Variants in ACO2 observed in about 807,000 individuals in gnomAD.
ACO2 encodes aconitate hydratase, mitochondrial.
Under a neutral mutation model 84.5 loss-of-function variants are expected in ACO2, and 31 were observed. The ratio of observed to expected loss-of-function variants is 0.37; its 90% CI spans 0.28 to 0.50. ACO2 has a LOEUF of 0.50. Among genes scored for constraint, ACO2 ranks in the 20% least tolerant of loss-of-function variants. The pLI is 0.97. For synonymous variants in ACO2, 414 were observed against 412.7 expected (o/e 1.00, Z -0.04); for missense variants, 685 against 1,029.3 (o/e 0.67, Z 4.58).
intron 1 of ACO2, among the ~76,000 whole-genome samples, chr22:41,491,643 A>G (rs2066272347): frequency 1.3e-5 from 2 of 152,322 alleles, no homozygotes; most frequent in South Asian, 4.1e-4. Flanking sequence ...AACGAACACA[A>G]TGTCACCACT....
rs750793467 is a variant in ACO2, at chr22:41,517,679, G to A, written c.940+48G>A. On this transcript the variant is annotated intron_variant, in intron 7 of 17. Coordinates refer to ENST00000216254, the MANE Select transcript of ACO2 (RefSeq NM_001098.3). ...GTGTGGGTGGAACAGTCACATGCCC[G>A]CTCCTCCCCAAGACAGAGCTATGCC... 10 of 1,501,550 alleles carry A rather than the reference G, an allele frequency of 6.7e-6. No individual in the cohort carries two copies. The East Asian group carries it at 1.1e-4, about 17-fold the overall frequency. 93.0% of individuals were successfully genotyped at this position (1,501,550 alleles called of 1,614,324 possible).
intron 1 of ACO2, among the ~76,000 whole-genome samples, chr22:41,477,402 A>G (rs2038030817): frequency 6.6e-6 from 1 of 150,898 alleles, no homozygotes; most frequent in Non-Finnish European, 1.5e-5. Flanking sequence ...CTTGTGATCC[A>G]CCTGCCTCGG....
intron 1 of ACO2, among the ~76,000 whole-genome samples, chr22:41,489,707 C>A (rs1184113502): frequency 2.6e-5 from 4 of 151,564 alleles, no homozygotes; most frequent in African/African-American, 4.9e-5. Context: ...GCCGTGTCAC[C>A]AGGAGGCACC....
At chr22:41,528,094 C>T (rs2066642445) in intron 17 of ACO2, 72 bp downstream of exon 17, 1 of 1,599,558 alleles carries the variant, frequency 6.3e-7, no homozygotes. Flanking sequence ...TGCACTGGCC[C>T]CAGGGTAGCT....
intron 15 of ACO2, 155 bp downstream of exon 15, chr22:41,526,608 T>C: frequency 1.3e-6 from 1 of 759,804 alleles, no homozygotes; most frequent in Non-Finnish European, 2.0e-6. Flanking sequence ...CTGCAGCCCC[T>C]CCCTGTGGCT....
At position 41,515,441 on chromosome 22, in the gene ACO2, A is replaced by G. The variant is rs1034483010; in HGVS notation, c.590A>G (p.Asn197Ser). ...ATTGGCACTGACTCCCACACCCCCA[A>G]TGGTGGCGGCCTTGGGGGCATCTGC... ...LLIGTDSHTP[N>S]GGGLGGICIG... Residue 197 changes from asparagine to serine, a missense_variant, in exon 5 of 18, where the codon AAT (asparagine) becomes AGT (serine). This residue lies in a region of ACO2 where 92 missense variants were observed against 203.7 expected (regional missense o/e 0.45). Coordinates refer to ENST00000216254, the MANE Select transcript of ACO2 (RefSeq NM_001098.3). The surrounding 1 kb of genome is among the most constrained non-coding windows in gnomAD (Gnocchi z 5.8). 4.3e-6 allele frequency: 7 copies of G among 1,613,768 alleles called. No individual in the cohort carries two copies. The highest frequency in any genetic ancestry group is 5.1e-6 in the Non-Finnish European group (6 of 1,179,932).
At chr22:41,498,541 C>G (rs544453193) in intron 1 of ACO2, among the ~76,000 whole-genome samples, 1 of 152,210 alleles carries the variant, frequency 6.6e-6, no homozygotes, top group Admixed American at 6.5e-5. Flanking sequence ...CGGGTTGAAC[C>G]GGGGCTGGAG....
intron 4 of ACO2, among the ~76,000 whole-genome samples, chr22:41,514,663 C>G (rs1972751821): frequency 6.6e-6 from 1 of 152,172 alleles, no homozygotes; most frequent in South Asian, 2.1e-4. Context: ...GTGTTGAGCA[C>G]TTGGGTGTTG....
intron 1 of ACO2, among the ~76,000 whole-genome samples, chr22:41,489,177 G>A (rs1482135090): frequency 6.6e-6 from 1 of 152,020 alleles, no homozygotes; most frequent in Non-Finnish European, 1.5e-5. Context: ...CAGGGAGCTG[G>A]GACTACAGGC....
chr22:41,475,750 TAGCC>T (rs944581796), intron 1 of ACO2, among the ~76,000 whole-genome samples: 5 of 151,454 alleles, frequency 3.3e-5, no homozygotes, highest in Non-Finnish European at 5.9e-5. Context: ...AAAAAAAAAT[TAGCC>T]AGTCGTGGTG....
chr22:41,523,296 T>G lies in ACO2; in HGVS notation c.1370+18T>G, dbSNP rs762114723. The G allele has an allele frequency of 1.3e-6, 2 of 1,591,100 alleles. No individual in the cohort carries two copies. The highest frequency in any genetic ancestry group is 2.2e-5 in the South Asian group (2 of 89,280). ...TGGGACAGGTAAGAGGCGTATCTTTTGACAAGACAGCCCCTTGTGCACAGG... is the reference window on the plus strand; with the variant it reads ...TGGGACAGGTAAGAGGCGTATCTTTGGACAAGACAGCCCCTTGTGCACAGG... On this transcript the variant is annotated intron_variant, in intron 11 of 17. Transcript: ENST00000216254.
chr22:41,512,310 T>TC, intron 4 of ACO2: 1 of 221,908 alleles, frequency 4.5e-6, no homozygotes, highest in East Asian at 1.5e-4. Context: ...TTGTTTTTTT[T>TC]CACAAGTGTC....
intron 1 of ACO2, among the ~76,000 whole-genome samples, chr22:41,497,281 C>G (rs899187657): frequency 2.0e-5 from 3 of 151,954 alleles, no homozygotes; most frequent in African/African-American, 7.2e-5. Flanking sequence ...GTTGGCCAGG[C>G]TGGTTTCAAA....
chr22:41,471,141 C>G (rs867547276), intron 1 of ACO2, among the ~76,000 whole-genome samples: 7 of 152,234 alleles, frequency 4.6e-5, no homozygotes, highest in South Asian at 4.1e-4. Context: ...AATGTATATT[C>G]AGCAAGTGGA....
At chr22:41,478,757 A>AT (rs1251370952) in intron 1 of ACO2, among the ~76,000 whole-genome samples, 1 of 146,892 alleles carries the variant, frequency 6.8e-6, no homozygotes, top group Non-Finnish European at 1.5e-5. Context: ...TCCCTGCCAC[A>AT]TATCTTCTTT....
intron 3 of ACO2, among the ~76,000 whole-genome samples, chr22:41,509,285 G>A (rs1338394343): frequency 2.0e-5 from 3 of 152,110 alleles, no homozygotes; most frequent in African/African-American, 4.8e-5. Flanking sequence ...AGCATTCAGA[G>A]CTCATTCCCT....
chr22:41,518,338 G>C (rs1356502479), intron 7 of ACO2, 143 bp from the exon 8 acceptor site: 1 of 661,458 alleles, frequency 1.5e-6, no homozygotes, highest in African/African-American at 1.8e-5. Flanking sequence ...TAAGGGCAGA[G>C]ACAGCAGCCT....
chr22:41,523,119 G>T, intron 10 of ACO2, 86 bp from the exon 11 acceptor site: 1 of 1,537,720 alleles, frequency 6.5e-7, no homozygotes, highest in South Asian at 1.2e-5. Flanking sequence ...TTCCAGTACA[G>T]CACTTCGTCC....
Position 41,528,565 on chromosome 22 carries a change from G to C in ACO2, c.2295G>C (p.Trp765Cys). ...NHTFNETQIE[W>C]FRAGSALNRM... ...CCTTCAACGAGACGCAGATTGAGTG[G>C]TTCCGCGCTGGCAGTGCCCTCAACA... The change falls in exon 18 of 18, where the codon TGG becomes TGC. Residue 765 changes from tryptophan (W) to cysteine (C), a missense_variant. Coordinates refer to ENST00000216254, the MANE Select transcript of ACO2 (RefSeq NM_001098.3). The C allele has an allele frequency of 6.2e-7, 1 of 1,613,014 alleles. No individual in the cohort carries two copies. The highest frequency in any genetic ancestry group is 8.5e-7 in the Non-Finnish European group (1 of 1,180,026).
Sources: allele counts gnomAD v4.1 joint callset (sites outside exome capture counted in the v4.1 genomes callset), GRCh38; gene constraint gnomAD v4.1.1; regional missense constraint gnomAD v4.1.1; non-coding constraint Gnocchi (gnomAD v3.1); transcripts MANE v1.5; gene names NCBI Gene and HGNC (gene_info 2026-07-23, HGNC 2026-07-21).